Variants in ABLIM1 observed in about 807,000 individuals in gnomAD.
The protein encoded by ABLIM1 is actin-binding LIM protein 1.
Under a neutral mutation model 107.0 loss-of-function variants are expected in ABLIM1, and 40 were observed. That is an observed-to-expected ratio of 0.37 (90% CI 0.29 to 0.49). ABLIM1 has a LOEUF of 0.49. ABLIM1 is among the 20% of genes least tolerant of loss of function. The pLI is 0.97. For missense variants in ABLIM1, 857 were observed against 1,008.5 expected, an observed-to-expected ratio of 0.85 and a Z score of 2.04; for synonymous variants, 357 against 357.3, an observed-to-expected ratio of 1.00 and a Z score of 0.01.
chr10:114,567,703 T>C (rs1176735192), intron 4 of ABLIM1, among the ~76,000 whole-genome samples: 3 of 152,250 alleles, frequency 2.0e-5, no homozygotes, highest in Non-Finnish European at 4.4e-5. Context: ...TTTCTCTACC[T>C]ATCTGCTGTC....
At chr10:114,575,280 T>C (rs2072355095) in intron 3 of ABLIM1, 136 bp downstream of exon 3, 1 of 959,290 alleles carries the variant, frequency 1.0e-6, no homozygotes, top group Non-Finnish European at 1.5e-6. Context: ...GGACTGATAG[T>C]ACAGTAAGAA....
chr10:114,746,023 G>T (rs1387581094), intron 1 of ABLIM1, among the ~76,000 whole-genome samples: 2 of 152,106 alleles, frequency 1.3e-5, no homozygotes, highest in Non-Finnish European at 2.9e-5. Context: ...GTACTATGTG[G>T]TGTTACAAAT....
intron 1 of ABLIM1, among the ~76,000 whole-genome samples, chr10:114,727,829 C>A (rs1486149273): frequency 1.3e-5 from 2 of 152,134 alleles, no homozygotes; most frequent in Admixed American, 1.3e-4. Context: ...GTGGCTCATG[C>A]CTGTATTCCT....
chr10:114,465,961 G>T, intron 11 of ABLIM1, 134 bp from the exon 12 acceptor site: 1 of 1,037,732 alleles, frequency 9.6e-7, no homozygotes, highest in Admixed American at 2.9e-5. Context: ...ATTTTTATGT[G>T]CAAATTTTGC....
chr10:114,551,939 A>C (rs1340192996), intron 4 of ABLIM1, among the ~76,000 whole-genome samples: 1 of 152,122 alleles, frequency 6.6e-6, no homozygotes, highest in Non-Finnish European at 1.5e-5. Flanking sequence ...TGTTTTATAG[A>C]AAAATATTCA....
At chr10:114,588,696 G>C (rs1036806586) in intron 2 of ABLIM1, among the ~76,000 whole-genome samples, 1 of 151,482 alleles carries the variant, frequency 6.6e-6, no homozygotes, top group Non-Finnish European at 1.5e-5. Context: ...GTAGAGATGG[G>C]GTTTCATCAT....
intron 22 of ABLIM1, 23 bp from the exon 23 acceptor site, chr10:114,436,396 A>AG: frequency 6.5e-7 from 1 of 1,527,536 alleles, no homozygotes; most frequent in Non-Finnish European, 9.0e-7. Context: ...AAAAAAAAAA[A>AG]GAGCTGCTGT....
At chr10:114,754,611 C>T (rs1262081699) in intron 1 of ABLIM1, among the ~76,000 whole-genome samples, 1 of 152,154 alleles carries the variant, frequency 6.6e-6, no homozygotes, top group Non-Finnish European at 1.5e-5. Context: ...GGAAAGGTTG[C>T]CTCCAAAGCA....
intron 1 of ABLIM1, among the ~76,000 whole-genome samples, chr10:114,683,573 C>T (rs1019912415): frequency 1.3e-5 from 2 of 151,944 alleles, no homozygotes; most frequent in African/African-American, 2.4e-5. Context: ...AGAAGAGTGG[C>T]GAGATTGGAA....
chr10:114,771,375 G>C (rs1270943392), upstream of ABLIM1, among the ~76,000 whole-genome samples: 1 of 152,188 alleles, frequency 6.6e-6, no homozygotes, highest in African/African-American at 2.4e-5. Context: ...GTGCCTGCCT[G>C]ACTGGCAGGT....
intron 6 of ABLIM1, among the ~76,000 whole-genome samples, chr10:114,497,079 G>A (rs2059761059): frequency 6.6e-6 from 1 of 152,224 alleles, no homozygotes; most frequent in African/African-American, 2.4e-5. Context: ...TTTAGGAGAA[G>A]GAGAAGTATT....
chr10:114,795,320 AG>A, the ABLIM1 span, among the ~76,000 whole-genome samples: 2 of 152,206 alleles, frequency 1.3e-5, no homozygotes, highest in African/African-American at 4.8e-5. Context: ...CCGCACAAAA[AG>A]GTCAGACTTA....
At chr10:114,712,499 C>CA (rs2081575729) in intron 1 of ABLIM1, among the ~76,000 whole-genome samples, 2 of 150,342 alleles carry the variant, frequency 1.3e-5, no homozygotes, top group South Asian at 4.2e-4. Context: ...AATTTAGGAA[C>CA]AAAAAAGACA....
rs570778045 is a variant in ABLIM1 at position 114,643,271 on chromosome 10, G to A, written c.244+14686C>T. On this transcript the variant is annotated intron_variant, in intron 1 of 22. Coordinates refer to ENST00000533213, the MANE Select transcript of ABLIM1 (RefSeq NM_002313.7). ...AACAACATTACAACTAACAAAAATCGGAGGTGAGTAGGAGACAACTATGAG... is the reference window on the plus strand; with the variant it reads ...AACAACATTACAACTAACAAAAATCAGAGGTGAGTAGGAGACAACTATGAG... Among the ~76,000 whole-genome samples, 23 of 152,258 alleles carry A rather than the reference G, an allele frequency of 1.5e-4. No individual in the cohort carries two copies. In the South Asian group the frequency reaches 4.1e-3, roughly 27 times the overall value.
intron 12 of ABLIM1, 26 bp downstream of exon 12, chr10:114,465,672 G>A: frequency 6.2e-7 from 1 of 1,612,974 alleles, no homozygotes; most frequent in Non-Finnish European, 8.5e-7. Flanking sequence ...GTTATATAGA[G>A]TGAATCCAGG....
rs1038342838 is a variant in ABLIM1, at chr10:114,433,153, T to C, written c.*3107A>G. 1 of 152,230 alleles carries C rather than the reference T, an allele frequency of 6.6e-6. No homozygotes were observed. Among genetic ancestry groups the C allele is most frequent in the Non-Finnish European group, 1.5e-5 (1 of 68,072 alleles). The allele number at this position is 152,230 out of a possible 1,614,324, so 9.4% of individuals were successfully genotyped here. On this transcript the variant is annotated 3_prime_UTR_variant, in exon 23 of 23. Coordinates refer to ENST00000533213, the MANE Select transcript of ABLIM1 (RefSeq NM_002313.7). ...CGGCACCAGGGAAGCCTGCCATATA[T>C]ACAATCCCCTTCCTAGGGTGAACAA...
chr10:114,778,878 C>T, the ABLIM1 span: 2 of 152,174 alleles, frequency 1.3e-5, no homozygotes, highest in African/African-American at 4.8e-5. Flanking sequence ...ACTACACCCC[C>T]CCATAACACA....
intron 6 of ABLIM1, among the ~76,000 whole-genome samples, chr10:114,520,842 A>C (rs1039757067): frequency 1.3e-5 from 2 of 151,874 alleles, no homozygotes; most frequent in African/African-American, 4.8e-5. Context: ...GCTGGGCATG[A>C]TGGCATGCAC....
At chr10:114,696,149 T>G (rs1015742153) in intron 1 of ABLIM1, among the ~76,000 whole-genome samples, 1 of 152,220 alleles carries the variant, frequency 6.6e-6, no homozygotes, top group African/African-American at 2.4e-5. Flanking sequence ...GATCCAGTGA[T>G]GAGGGCTCCT....
Sources: gnomAD v4.1 joint callset for allele counts (sites outside exome capture counted in the v4.1 genomes callset) on GRCh38, gnomAD v4.1.1 for gene constraint, MANE v1.5 for transcripts, NCBI Gene and HGNC (gene_info 2026-07-23, HGNC 2026-07-21) for gene names.